FBXO25: variants seen among roughly 807,000 people sequenced by gnomAD.
FBXO25 encodes F-box only protein 25.
FBXO25 carries 45 observed loss-of-function variants against 51.9 expected under a neutral mutation model. The observed-to-expected ratio is 0.87, with a 90% CI of 0.68 to 1.11. The LOEUF is 1.11. Among genes scored for constraint, FBXO25 ranks in the 50% most tolerant of loss-of-function variants. FBXO25 has a pLI of 0.00. For synonymous variants in FBXO25, 199 were observed against 151.0 expected (o/e 1.32, Z -2.33); for missense variants, 507 against 428.5 (o/e 1.18, Z -1.62).
rs1248359129 is a variant in FBXO25 at position 471,419 on chromosome 8, A to G, written c.*2615A>G. Reference sequence around the variant, plus strand: ...CCACTTTGGAATGGTATTTTTGAATACAGTTTCTATCAGGGGGCCTTCCAA... The same window carrying G: ...CCACTTTGGAATGGTATTTTTGAATGCAGTTTCTATCAGGGGGCCTTCCAA... On this transcript the variant is annotated 3_prime_UTR_variant, in exon 10 of 10. Coordinates refer to ENST00000350302, the MANE Select transcript of FBXO25 (RefSeq NM_183420.2). 2.6e-5 allele frequency: 4 copies of G among 152,238 alleles called. No individual in the cohort carries two copies. Among genetic ancestry groups the G allele is most frequent in the African/African-American group, 9.6e-5 (4 of 41,466 alleles). The allele number at this position is 152,238 out of a possible 1,614,324, so 9.4% of individuals were successfully genotyped here. A position where few individuals can be genotyped will look rare whatever the true frequency, so the allele number is the denominator to read the frequency against.
rs1487497143 is a variant in FBXO25, at chr8:469,790, T to C, written c.*986T>C. On this transcript the variant is annotated 3_prime_UTR_variant, in exon 10 of 10. Coordinates refer to ENST00000350302, the MANE Select transcript of FBXO25 (RefSeq NM_183420.2). ...AACGTATTGTTGTATATTTCCATTT[T>C]TGAATAGGGTCAAGGAGCCCAAGCA... 1 of 152,192 alleles carries C rather than the reference T, an allele frequency of 6.6e-6. No homozygotes were observed. The highest frequency in any genetic ancestry group is 2.4e-5 in the African/African-American group (1 of 41,458). The allele number at this position is 152,192 out of a possible 1,614,324, so 9.4% of individuals were successfully genotyped here. A position where few individuals can be genotyped will look rare whatever the true frequency, so the allele number is the denominator to read the frequency against.
chr8:456,440 C>A (rs186561970), intron 7 of FBXO25, among the ~76,000 whole-genome samples: 1 of 152,158 alleles, frequency 6.6e-6, no homozygotes, highest in African/African-American at 2.4e-5. Context: ...TGGGCTAAGA[C>A]TTGAATCAAA....
chr8:423,385 C>T (rs1283644621), intron 2 of FBXO25, among the ~76,000 whole-genome samples: 1 of 152,150 alleles, frequency 6.6e-6, no homozygotes, highest in African/African-American at 2.4e-5. Flanking sequence ...GTTTGGAGTA[C>T]AGATCCTGTC....
rs529095839 is a variant in FBXO25, at chr8:472,110, T to C, written c.*3306T>C. The C allele has an allele frequency of 1.3e-5, 2 of 152,338 alleles. No individual in the cohort carries two copies. Among genetic ancestry groups the C allele is most frequent in the East Asian group, 1.9e-4 (1 of 5,180 alleles). The allele number at this position is 152,338 out of a possible 1,614,324, so 9.4% of individuals were successfully genotyped here. A position where few individuals can be genotyped will look rare whatever the true frequency, so the allele number is the denominator to read the frequency against. On this transcript the variant is annotated 3_prime_UTR_variant, in exon 10 of 10. Coordinates refer to ENST00000350302, the MANE Select transcript of FBXO25 (RefSeq NM_183420.2). ...CTAGAATCTCTAGTACAATGTTGAA[T>C]AGCAGTGCGAGAGTGAACATCCTTG...
At position 474,633 on chromosome 8, in the gene FBXO25, T is replaced by C. The variant is rs1456363051; in HGVS notation, c.*5829T>C. 3.3e-5 allele frequency: 14 copies of C among 430,318 alleles called. No homozygotes were observed. The Admixed American group carries it at 3.8e-4, about 12-fold the overall frequency. 26.7% of individuals were successfully genotyped at this position (430,318 alleles called of 1,614,324 possible). A position where few individuals can be genotyped will look rare whatever the true frequency, so the allele number is the denominator to read the frequency against. On this transcript the variant is annotated 3_prime_UTR_variant, in exon 10 of 10. Coordinates refer to ENST00000350302, the MANE Select transcript of FBXO25 (RefSeq NM_183420.2). Reference sequence around the variant, plus strand: ...TTTGCATTTCCGTAATGACTGGTGATGCTGAGTATCTGTTTGTTGGCCGTT... The same window carrying C: ...TTTGCATTTCCGTAATGACTGGTGACGCTGAGTATCTGTTTGTTGGCCGTT...
chr8:420,769 G>A (rs1287084695), intron 2 of FBXO25, among the ~76,000 whole-genome samples: 1 of 152,226 alleles, frequency 6.6e-6, no homozygotes, highest in Non-Finnish European at 1.5e-5. Context: ...TGGTTGCCAG[G>A]GGTTAAGAGT....
intron 2 of FBXO25, among the ~76,000 whole-genome samples, chr8:422,609 T>C (rs887259402): frequency 2.6e-5 from 4 of 152,210 alleles, no homozygotes; most frequent in African/African-American, 7.2e-5. Flanking sequence ...GGGTGGAAAC[T>C]TGGGGACACT....
chr8:459,901 T>C (rs1422380104), intron 8 of FBXO25, among the ~76,000 whole-genome samples: 3 of 152,174 alleles, frequency 2.0e-5, no homozygotes, highest in Non-Finnish European at 4.4e-5. Context: ...CTGTGAGATT[T>C]AGCCGAGCAG....
chr8:437,336 G>A (rs559911715), intron 5 of FBXO25, among the ~76,000 whole-genome samples: 13 of 152,336 alleles, frequency 8.5e-5, no homozygotes, highest in East Asian at 1.9e-4. Context: ...GATGTGGAGC[G>A]AGGGAACTGG....
chr8:420,333 A>C (rs1055869462), intron 2 of FBXO25: 1 of 152,156 alleles, frequency 6.6e-6, no homozygotes, highest in Non-Finnish European at 1.5e-5. Context: ...ATGCTCTCCA[A>C]CCCTGCTACT....
chr8:474,979 TTG>T lies in FBXO25; in HGVS notation c.*6177_*6178del, dbSNP rs1800600355. 2.5e-6 allele frequency: 1 copy of T among 400,420 alleles called. No homozygotes were observed. The highest frequency in any genetic ancestry group is 2.1e-5 in the African/African-American group (1 of 47,464). 24.8% of individuals were successfully genotyped at this position (400,420 alleles called of 1,614,324 possible). A position where few individuals can be genotyped will look rare whatever the true frequency, so the allele number is the denominator to read the frequency against. On this transcript the variant is annotated 3_prime_UTR_variant, in exon 10 of 10. Coordinates refer to ENST00000350302, the MANE Select transcript of FBXO25 (RefSeq NM_183420.2). ...TGTTTTGTTCTTTGATGTACAGAAG[TTG>T]TTTCTTTCTTTTAGTTACCTGTGTG...
At chr8:420,626 G>A (rs4997280) in intron 2 of FBXO25, among the ~76,000 whole-genome samples, 112 of 152,320 alleles carry the variant, frequency 7.4e-4, no homozygotes, top group African/African-American at 2.6e-3. Context: ...CTATTAATTC[G>A]CACAACATGG....
intron 2 of FBXO25, among the ~76,000 whole-genome samples, chr8:427,895 T>C (rs1214064750): frequency 6.6e-6 from 1 of 151,930 alleles, no homozygotes; most frequent in Non-Finnish European, 1.5e-5. Context: ...TTGAAGATGA[T>C]GGCCCATAAC....
At chr8:456,364 C>G (rs1799430893) in intron 7 of FBXO25, among the ~76,000 whole-genome samples, 1 of 152,152 alleles carries the variant, frequency 6.6e-6, no homozygotes, top group Non-Finnish European at 1.5e-5. Flanking sequence ...CGTGAGCCAC[C>G]CGGCCTGGCC....
rs1273651082 is a variant in FBXO25 at position 477,549 on chromosome 8, A to C, written c.*8745A>C. The C allele has an allele frequency of 6.6e-6, 1 of 152,242 alleles. No homozygotes were observed. Among genetic ancestry groups the C allele is most frequent in the Non-Finnish European group, 1.5e-5 (1 of 68,042 alleles). The allele number at this position is 152,242 out of a possible 1,614,324, so 9.4% of individuals were successfully genotyped here. A position where few individuals can be genotyped will look rare whatever the true frequency, so the allele number is the denominator to read the frequency against. The stretch of plus-strand genomic sequence containing the variant: ...TTTCCTTTGAATCCGTGGGGCTGGG[A>C]GTAACTATAAATGAAACAAGATTGG... On this transcript the variant is annotated 3_prime_UTR_variant, in exon 10 of 10. Coordinates refer to ENST00000350302, the MANE Select transcript of FBXO25 (RefSeq NM_183420.2).
Position 424,426 on chromosome 8 carries a change from A to G in FBXO25, c.135-6915A>G, listed in dbSNP as rs186527914. ...CATTTGTTTTTGGGAACTTAGCCAA[A>G]AATTCTTTGCCAAGGCCAACGTCAA... On this transcript the variant is annotated intron_variant, in intron 2 of 9. Transcript: ENST00000350302. Among the ~76,000 whole-genome samples the G allele has an allele frequency of 1.5e-3, 224 of 152,288 alleles. 1 individual carries two copies. The highest frequency in any genetic ancestry group is 5.1e-3 in the African/African-American group (211 of 41,560).
chr8:432,758 A>G (rs1241583131), intron 3 of FBXO25, 128 bp from the exon 4 acceptor site: 1 of 1,206,552 alleles, frequency 8.3e-7, no homozygotes, highest in Non-Finnish European at 1.1e-6. Context: ...CACCCACGTA[A>G]AAGCATTTCT....
intron 9 of FBXO25, among the ~76,000 whole-genome samples, chr8:467,096 C>G (rs954782141): frequency 6.6e-6 from 1 of 152,180 alleles, no homozygotes; most frequent in African/African-American, 2.4e-5. Flanking sequence ...TGTCCATGGT[C>G]TGGTGGTCCT....
At chr8:440,448 A>C (rs1427153954) in intron 5 of FBXO25, among the ~76,000 whole-genome samples, 4 of 152,234 alleles carry the variant, frequency 2.6e-5, no homozygotes, top group Non-Finnish European at 5.9e-5. Context: ...AATGGAGTCA[A>C]GGACAGAGAC....
Sources: allele counts gnomAD v4.1 joint callset (sites outside exome capture counted in the v4.1 genomes callset), GRCh38; gene constraint gnomAD v4.1.1; transcripts MANE v1.5; gene names NCBI Gene and HGNC (gene_info 2026-07-23, HGNC 2026-07-21).